Variants in SNX1 observed in about 807,000 individuals in gnomAD.
SNX1 encodes the protein sorting nexin-1.
SNX1 carries 36 observed loss-of-function variants against 71.8 expected under a neutral mutation model. That is an observed-to-expected ratio of 0.50 (90% CI 0.38 to 0.66). The LOEUF (loss-of-function observed/expected upper bound fraction) is 0.66, where lower values mean the gene tolerates loss of function less well. Ranked by LOEUF, SNX1 falls within the 30% of genes least tolerant of loss-of-function variation. SNX1 has a pLI of 0.00. For synonymous variants in SNX1, 254 were observed against 240.7 expected (o/e 1.06, Z -0.51); for missense variants, 612 against 646.7 (o/e 0.95, Z 0.58).
intron 12 of SNX1, among the ~76,000 whole-genome samples, chr15:64,136,028 T>C (rs1468390126): frequency 6.6e-6 from 1 of 152,208 alleles, no homozygotes; most frequent in Non-Finnish European, 1.5e-5. Context: ...TTCCAGGCCT[T>C]TCAGCCCTGC....
chr15:64,130,172 A>G, intron 9 of SNX1, 56 bp from the exon 10 acceptor site: 1 of 1,519,548 alleles, frequency 6.6e-7, no homozygotes, highest in Non-Finnish European at 9.1e-7. Flanking sequence ...CTAAAGAAAG[A>G]CTGTACTGCA....
chr15:64,112,716 C>A, intron 2 of SNX1, 32 bp downstream of exon 2: 1 of 1,397,114 alleles, frequency 7.2e-7, no homozygotes, highest in Non-Finnish European at 1.0e-6. Flanking sequence ...ACTCTAGGAA[C>A]CTCCTAAATG....
At chr15:64,126,577 T>TTTTG (rs988239470) in intron 6 of SNX1, among the ~76,000 whole-genome samples, 2 of 151,970 alleles carry the variant, frequency 1.3e-5, no homozygotes, top group African/African-American at 2.4e-5. Flanking sequence ...GTTTTTTGGT[T>TTTTG]TTTGTTTGTT....
Position 64,112,594 on chromosome 15 carries a change from A to G in SNX1, c.181A>G (p.Ile61Val), listed in dbSNP as rs763892941. The G allele has an allele frequency of 1.1e-5, 17 of 1,610,862 alleles. No homozygotes were observed. The highest frequency in any genetic ancestry group is 5.0e-5 in the Admixed American group (3 of 59,776). ...AVVSKHQSPK[I>V]TTSLLPINNG... ...TCAGAGTAAACATCAGTCTCCAAAG[A>G]TAACTACATCCCTTCTTCCCATCAA... is the stretch of plus-strand genomic sequence containing the variant. The change falls in exon 2 of 15, where the codon ATA becomes GTA. Residue 61 changes from isoleucine to valine, a missense_variant. Physicochemically the swap from Ile to Val is conservative, Grantham distance 29. This residue lies in a region of SNX1 where 316 missense variants were observed against 284.9 expected (regional missense o/e 1.11). Transcript: ENST00000559844.
chr15:64,116,563 T>C lies in SNX1; in HGVS notation c.272-1554T>C, dbSNP rs956841843. Reference sequence around the variant, plus strand: ...ACTGATCTGGGACTTGATTATGCTATAGGCATATATGCATAAACCATCATC... The same window carrying C: ...ACTGATCTGGGACTTGATTATGCTACAGGCATATATGCATAAACCATCATC... On this transcript the variant is annotated intron_variant, in intron 2 of 14. Coordinates refer to ENST00000559844, the MANE Select transcript of SNX1 (RefSeq NM_003099.5). Among the ~76,000 whole-genome samples the C allele has an allele frequency of 1.3e-5, 2 of 152,222 alleles. 1 individual carries two copies. The highest frequency in any genetic ancestry group is 1.3e-4 in the Admixed American group (2 of 15,274).
chr15:64,124,228 C>T (rs1028203511), intron 5 of SNX1, among the ~76,000 whole-genome samples: 2 of 142,816 alleles, frequency 1.4e-5, no homozygotes, highest in South Asian at 2.3e-4. Context: ...TCATGGGGGC[C>T]GGTCACGGTG....
rs755495506 is a variant in SNX1, at chr15:64,138,038, T to G, written c.*420T>G. On this transcript the variant is annotated 3_prime_UTR_variant, in exon 15 of 15. Transcript: ENST00000559844. The stretch of plus-strand genomic sequence containing the variant: ...GACTCAGAATGTTGGTGGTTTTTGC[T>G]TAGGCTGGGGAGCAGTTGGGAATCA... 3 of 1,514,618 alleles carry G rather than the reference T, an allele frequency of 2.0e-6. No individual in the cohort carries two copies. The highest frequency in any genetic ancestry group is 2.6e-6 in the Non-Finnish European group (3 of 1,140,534). 93.8% of individuals were successfully genotyped at this position (1,514,618 alleles called of 1,614,324 possible).
rs1288943770 is a variant in SNX1 at position 64,139,990 on chromosome 15, T to C, written c.*2372T>C. 6.6e-6 allele frequency: 1 copy of C among 152,194 alleles called. No individual in the cohort carries two copies. Among genetic ancestry groups the C allele is most frequent in the Non-Finnish European group, 1.5e-5 (1 of 68,038 alleles). 9.4% of individuals were successfully genotyped at this position (152,194 alleles called of 1,614,324 possible). On this transcript the variant is annotated 3_prime_UTR_variant, in exon 15 of 15. Transcript: ENST00000559844. The stretch of plus-strand genomic sequence containing the variant: ...TCGTCAGTGCGTCGTAATCAGCATA[T>C]AATGTCAGTTGGTCCCATTAATGTT...
rs1173443908 is a variant in SNX1 at position 64,142,579 on chromosome 15, AG to A, written c.*4963del. ...AGGAAAGAATCTGTAGGTGGAGGGG[AG>A]GCCGAAGAGGGGAAGTTTCATGCTT... On this transcript the variant is annotated 3_prime_UTR_variant, in exon 15 of 15. Coordinates refer to ENST00000559844, the MANE Select transcript of SNX1 (RefSeq NM_003099.5). 7 of 454,348 alleles carry A rather than the reference AG, an allele frequency of 1.5e-5. No individual in the cohort carries two copies. The highest frequency in any genetic ancestry group is 3.1e-5 in the Non-Finnish European group (7 of 225,872). The allele number at this position is 454,348 out of a possible 1,614,324, so 28.1% of individuals were successfully genotyped here. A position where few individuals can be genotyped will look rare whatever the true frequency, so the allele number is the denominator to read the frequency against.
chr15:64,132,888 A>G (rs562179451), intron 11 of SNX1, among the ~76,000 whole-genome samples: 6 of 152,264 alleles, frequency 3.9e-5, no homozygotes, highest in Middle Eastern at 6.8e-3. Flanking sequence ...TGATGAGTCT[A>G]CCTGCTATGT....
intron 1 of SNX1, among the ~76,000 whole-genome samples, chr15:64,106,665 G>A (rs1339161918): frequency 6.6e-6 from 1 of 152,166 alleles, no homozygotes; most frequent in Non-Finnish European, 1.5e-5. Flanking sequence ...TAATCACAAG[G>A]ATCCTTAAAA....
At chr15:64,100,772 A>G (rs1204187513) in intron 1 of SNX1, among the ~76,000 whole-genome samples, 1 of 152,176 alleles carries the variant, frequency 6.6e-6, no homozygotes, top group Non-Finnish European at 1.5e-5. Flanking sequence ...TGTGATCACT[A>G]TAACATCTTG....
intron 12 of SNX1, among the ~76,000 whole-genome samples, 155 bp from the exon 13 acceptor site, chr15:64,136,175 C>T (rs372529682): frequency 6.6e-6 from 1 of 152,154 alleles, no homozygotes; most frequent in African/African-American, 2.4e-5. Flanking sequence ...CTCTGACTTA[C>T]GTGTGGAATC....
intron 2 of SNX1, among the ~76,000 whole-genome samples, chr15:64,117,734 G>T (rs2081145362): frequency 6.6e-6 from 1 of 152,210 alleles, no homozygotes; most frequent in Admixed American, 6.5e-5. Flanking sequence ...GGAGGTTGCA[G>T]TGAGCCCAGA....
In SNX1 at chr15:64,138,441, A is replaced by C; in HGVS notation, c.*823A>C. ...GTCTTGCCCTCTGATGGCAAGTCTT[A>C]TATATAACTAAACCTATTTTTGTCA... On this transcript the variant is annotated 3_prime_UTR_variant, in exon 15 of 15. Coordinates refer to ENST00000559844, the MANE Select transcript of SNX1 (RefSeq NM_003099.5). The C allele has an allele frequency of 4.5e-6, 2 of 439,676 alleles. No homozygotes were observed. Among genetic ancestry groups the C allele is most frequent in the Non-Finnish European group, 7.9e-6 (2 of 251,906 alleles). The allele number at this position is 439,676 out of a possible 1,614,324, so 27.2% of individuals were successfully genotyped here.
intron 11 of SNX1, among the ~76,000 whole-genome samples, chr15:64,132,705 C>T (rs1462920265): frequency 6.6e-6 from 1 of 152,142 alleles, no homozygotes; most frequent in Non-Finnish European, 1.5e-5. Flanking sequence ...GAACAGTGCC[C>T]CCCGCTCGTT....
intron 1 of SNX1, among the ~76,000 whole-genome samples, chr15:64,110,980 A>C (rs1233254067): frequency 6.6e-6 from 1 of 152,108 alleles, no homozygotes; most frequent in Non-Finnish European, 1.5e-5. Context: ...CTGTTGTTTT[A>C]ATCTCCCCCG....
rs571522720 is a variant in SNX1 at position 64,139,978 on chromosome 15, G to T, written c.*2360G>T. The stretch of plus-strand genomic sequence containing the variant: ...AGAAGCAGTGTGTCGTCAGTGCGTC[G>T]TAATCAGCATATAATGTCAGTTGGT... On this transcript the variant is annotated 3_prime_UTR_variant, in exon 15 of 15. Transcript: ENST00000559844. 2 of 152,172 alleles carry T rather than the reference G, an allele frequency of 1.3e-5. No individual in the cohort carries two copies. Among genetic ancestry groups the T allele is most frequent in the Middle Eastern group, 6.8e-3 (2 of 294 alleles). The allele number at this position is 152,172 out of a possible 1,614,324, so 9.4% of individuals were successfully genotyped here. A position where few individuals can be genotyped will look rare whatever the true frequency, so the allele number is the denominator to read the frequency against.
chr15:64,117,647 C>T (rs1306823157), intron 2 of SNX1, among the ~76,000 whole-genome samples: 1 of 152,138 alleles, frequency 6.6e-6, no homozygotes, highest in Non-Finnish European at 1.5e-5. Flanking sequence ...ACTAAATTAG[C>T]TGGCTGTGGT....
Sources: gnomAD v4.1 joint callset for allele counts (sites outside exome capture counted in the v4.1 genomes callset) on GRCh38, gnomAD v4.1.1 for gene constraint, gnomAD v4.1.1 regional missense constraint, MANE v1.5 for transcripts, NCBI Gene and HGNC (gene_info 2026-07-23, HGNC 2026-07-21) for gene names.